The following ANKHD1 variants were observed in gnomAD, a reference collection of about 807,000 sequenced individuals.
ANKHD1 encodes ankyrin repeat and KH domain containing 1.
A neutral mutation model predicts 230.5 loss-of-function variants in ANKHD1; 31 were observed. That is an observed-to-expected ratio of 0.13 (90% CI 0.10 to 0.18). The LOEUF is 0.18. ANKHD1 is among the 10% of genes least tolerant of loss of function. The pLI is 1.00. For synonymous variants in ANKHD1, 1,074 were observed against 1,117.6 expected (o/e 0.96, Z 0.78); for missense variants, 2,256 against 3,071.3 (o/e 0.73, Z 6.27).
chr5:140,420,651 G>A (rs1338761412), intron 1 of ANKHD1, among the ~76,000 whole-genome samples: 1 of 152,082 alleles, frequency 6.6e-6, no homozygotes, highest in East Asian at 1.9e-4. Context: ...TACGTGTGAG[G>A]GTTTATTTCT....
In ANKHD1 at chr5:140,403,261, G is replaced by T. The variant is rs564238115; in HGVS notation, c.306+988G>T. Among the ~76,000 whole-genome samples the T allele has an allele frequency of 3.9e-5, 6 of 152,228 alleles. No individual in the cohort carries two copies. In the South Asian group the frequency reaches 1.2e-3, roughly 32 times the overall value. ...TGGGATTACAGGTATGAGCCACCGT[G>T]CCCGGCTGGACACCTTCACTCTGCC... is the stretch of plus-strand genomic sequence containing the variant. On this transcript the variant is annotated intron_variant, in intron 1 of 33. Transcript: ENST00000360839.
intron 1 of ANKHD1, among the ~76,000 whole-genome samples, chr5:140,415,906 T>A (rs1267973390): frequency 6.6e-6 from 1 of 152,078 alleles, no homozygotes; most frequent in East Asian, 1.9e-4. Context: ...TCATGTACAT[T>A]AGGTATATTT....
chr5:140,439,577 C>T (rs890948875), intron 3 of ANKHD1, among the ~76,000 whole-genome samples: 40 of 152,070 alleles, frequency 2.6e-4, no homozygotes, highest in African/African-American at 9.4e-4. Flanking sequence ...GGCTAAGACA[C>T]AAGAATCACT....
At chr5:140,439,175 T>G (rs1773666656) in intron 3 of ANKHD1, among the ~76,000 whole-genome samples, 2 of 152,080 alleles carry the variant, frequency 1.3e-5, no homozygotes, top group South Asian at 4.2e-4. Flanking sequence ...AGTCATTCTG[T>G]GGTAAAATAG....
In ANKHD1 at chr5:140,539,021, C is replaced by T; in HGVS notation, c.7507C>T (p.Pro2503Ser). 6.2e-7 allele frequency: 1 copy of T among 1,613,430 alleles called. No homozygotes were observed. Reference protein sequence around the residue: ...PLFNGLHNPDPAWNPMIKVIQ... With the variant: ...PLFNGLHNPDSAWNPMIKVIQ... ...GTTTAATGGACTTCACAATCCAGAT[C>T]CTGCTTGGAACCCTATGATAAAAGT... The change falls in exon 33 of 34, where the codon CCT becomes TCT. Residue 2503 changes from proline to serine, a missense_variant. Physicochemically the swap from Pro to Ser is moderately conservative, Grantham distance 74. Around this residue, in one of 13 missense-constraint regions of ANKHD1, gnomAD observed 778 missense variants for 966.5 expected, o/e 0.80. Transcript: ENST00000360839.
intron 7 of ANKHD1, among the ~76,000 whole-genome samples, chr5:140,456,914 AC>A (rs1419582135): frequency 6.6e-6 from 1 of 152,224 alleles, no homozygotes; most frequent in African/African-American, 2.4e-5. Context: ...ATCAGAGGGA[AC>A]AGGCAACCTA....
Position 140,528,165 on chromosome 5 carries a change from G to GTTTTTT in ANKHD1, c.5238-13_5238-8dup. The stretch of plus-strand genomic sequence containing the variant: ...TTTTAATGTTTTTGGTCTTGTTTCT[G>GTTTTTT]TTTTTTTTTTTCCCTTAGGGGTGGC... On this transcript the variant is annotated intron_variant, in intron 28 of 33. Coordinates refer to ENST00000360839, the MANE Select transcript of ANKHD1 (RefSeq NM_017747.3). 3 of 1,135,208 alleles carry GTTTTTT rather than the reference G, an allele frequency of 2.6e-6. No homozygotes were observed. Among genetic ancestry groups the GTTTTTT allele is most frequent in the East Asian group, 3.2e-5 (1 of 31,240 alleles). 70.3% of individuals were successfully genotyped at this position (1,135,208 alleles called of 1,614,324 possible). A position where few individuals can be genotyped will look rare whatever the true frequency, so the allele number is the denominator to read the frequency against.
At chr5:140,460,532 A>G (rs1224275412) in intron 9 of ANKHD1, among the ~76,000 whole-genome samples, 1 of 151,884 alleles carries the variant, frequency 6.6e-6, no homozygotes, top group Non-Finnish European at 1.5e-5. Flanking sequence ...ATTTTATTCT[A>G]TTTTTTGAGA....
At chr5:140,458,987 T>TATGC (rs1775479442) in intron 8 of ANKHD1, 125 bp downstream of exon 8, 4 of 20,766 alleles carry the variant, frequency 1.9e-4, no homozygotes, top group African/African-American at 6.8e-4. Flanking sequence ...TATGCATATA[T>TATGC]ATATATATGC....
chr5:140,445,851 C>T lies in ANKHD1; in HGVS notation c.1023C>T (p.Pro341=). ...IEDHNENGHT[P]LMEAASAGHV... is the part of the protein sequence containing the mutation. Reference sequence around the variant, plus strand: ...ATCATAATGAAAATGGACATACTCCCTTAATGGAAGCAGCCAGTGCAGGTC... The same window carrying T: ...ATCATAATGAAAATGGACATACTCCTTTAATGGAAGCAGCCAGTGCAGGTC... Residue 341 remains proline, a synonymous_variant, in exon 6 of 34, where the codon CCC becomes CCT. Transcript: ENST00000360839. 6.2e-7 allele frequency: 1 copy of T among 1,613,810 alleles called. No homozygotes were observed. The highest frequency in any genetic ancestry group is 1.1e-5 in the South Asian group (1 of 91,050).
At chr5:140,508,109 A>C (rs761852909) in intron 20 of ANKHD1, 111 bp downstream of exon 20, 4 of 1,360,850 alleles carry the variant, frequency 2.9e-6, no homozygotes, top group Non-Finnish European at 3.9e-6. Flanking sequence ...TAAAACTGAT[A>C]CCAATGCAGA....
intron 15 of ANKHD1, among the ~76,000 whole-genome samples, chr5:140,500,750 C>T (rs1350681137): frequency 2.0e-5 from 3 of 151,108 alleles, no homozygotes; most frequent in Non-Finnish European, 1.5e-5. Flanking sequence ...AGTTTAAGAA[C>T]CTTAGATGTA....
chr5:140,404,228 A>G (rs962691767), intron 1 of ANKHD1, among the ~76,000 whole-genome samples: 2 of 152,170 alleles, frequency 1.3e-5, no homozygotes, highest in African/African-American at 2.4e-5. Flanking sequence ...CTTTTTAGCT[A>G]GGAAATGAAG....
intron 10 of ANKHD1, among the ~76,000 whole-genome samples, chr5:140,468,745 T>A (rs977628109): frequency 5.9e-5 from 9 of 152,216 alleles, no homozygotes; most frequent in African/African-American, 2.2e-4. Flanking sequence ...TTTTCACAGG[T>A]ACCCAGTGTT....
intron 9 of ANKHD1, among the ~76,000 whole-genome samples, chr5:140,462,316 A>C (rs1351143503): frequency 1.3e-5 from 2 of 152,162 alleles, no homozygotes; most frequent in Admixed American, 6.5e-5. Context: ...CTTAGGGGTT[A>C]CAAAGGGGTG....
chr5:140,537,144 T>C, intron 30 of ANKHD1: 1 of 446,616 alleles, frequency 2.2e-6, no homozygotes, highest in Non-Finnish European at 3.3e-6. Flanking sequence ...TTTTTTAGAC[T>C]GTTGTATACT....
chr5:140,458,731 A>T lies in ANKHD1; in HGVS notation c.1349A>T (p.His450Leu). Residue 450 changes from histidine to leucine, a missense_variant, in exon 8 of 34, where the codon CAT becomes CTT. This residue lies in a region of ANKHD1 where 179 missense variants were observed against 261.8 expected (regional missense o/e 0.68). Coordinates refer to ENST00000360839, the MANE Select transcript of ANKHD1 (RefSeq NM_017747.3). ...SPLTLAACGG[H>L]VELAALLIER... ...TTGACGCTAGCTGCCTGTGGAGGAC[A>T]TGTTGAATTGGCAGCTCTACTTATT... 2 of 1,613,356 alleles carry T rather than the reference A, an allele frequency of 1.2e-6. No individual in the cohort carries two copies. The highest frequency in any genetic ancestry group is 1.7e-6 in the Non-Finnish European group (2 of 1,179,758).
chr5:140,491,164 T>C (rs865970027), intron 14 of ANKHD1, among the ~76,000 whole-genome samples: 1 of 105,416 alleles, frequency 9.5e-6, no homozygotes, highest in African/African-American at 3.7e-5. Context: ...ATATATATTT[T>C]TTTTTTTTTT....
chr5:140,455,258 G>C (rs1286909281), intron 7 of ANKHD1, among the ~76,000 whole-genome samples: 2 of 152,178 alleles, frequency 1.3e-5, no homozygotes, highest in Non-Finnish European at 2.9e-5. Flanking sequence ...GGACCAGATG[G>C]ATTCACTGCT....
Sources: gnomAD v4.1 joint callset for allele counts (sites outside exome capture counted in the v4.1 genomes callset) on GRCh38, gnomAD v4.1.1 for gene constraint, gnomAD v4.1.1 regional missense constraint, MANE v1.5 for transcripts, NCBI Gene and HGNC (gene_info 2026-07-23, HGNC 2026-07-21) for gene names.